ABCA9: variants seen among roughly 807,000 people sequenced by gnomAD.
ABCA9 encodes the protein ATP-binding cassette sub-family A member 9.
ABCA9 carries 183 observed loss-of-function variants against 205.3 expected under a neutral mutation model. The ratio of observed to expected loss-of-function variants is 0.89; its 90% CI spans 0.79 to 1.01. The LOEUF is 1.01. Ranked by LOEUF, ABCA9 falls within the 50% of genes least tolerant of loss-of-function variation. The pLI, the probability that ABCA9 is intolerant of heterozygous loss-of-function variation, is 0.00. For synonymous variants in ABCA9, 651 were observed against 683.3 expected (o/e 0.95, Z 0.74); for missense variants, 1,805 against 1,912.4 (o/e 0.94, Z 1.05).
At position 69,007,293 on chromosome 17, in the gene ABCA9, C is replaced by T. The variant is rs146688123; in HGVS notation, c.3435+466G>A. On this transcript the variant is annotated intron_variant, in intron 25 of 38. Coordinates refer to ENST00000340001, the MANE Select transcript of ABCA9 (RefSeq NM_080283.4). ...GCGCACACCTGTAATCCTAGCTACT[C>T]AGGAGGCTGAGGCAGGAGAATTGCT... is the stretch of plus-strand genomic sequence containing the variant. Among the ~76,000 whole-genome samples the T allele has an allele frequency of 8.2e-3, 1,243 of 152,168 alleles. 7 individuals carry two copies. Among genetic ancestry groups the T allele is most frequent in the Admixed American group, 0.014 (217 of 15,280 alleles).
At chr17:69,036,393 C>T (rs559588878) in intron 6 of ABCA9, among the ~76,000 whole-genome samples, 1 of 152,048 alleles carries the variant, frequency 6.6e-6, no homozygotes, top group East Asian at 1.9e-4. Context: ...ATTTTTTTCC[C>T]AAGCATTTAT....
intron 26 of ABCA9, 101 bp downstream of exon 26, chr17:68,995,794 C>T (rs1025349201): frequency 1.4e-6 from 2 of 1,435,878 alleles, no homozygotes; most frequent in East Asian, 2.3e-5. Context: ...GACTTTTAAA[C>T]TTTGCACAGC....
At chr17:69,034,381 C>T (rs1429836265) in intron 8 of ABCA9, among the ~76,000 whole-genome samples, 1 of 152,084 alleles carries the variant, frequency 6.6e-6, no homozygotes, top group African/African-American at 2.4e-5. Context: ...TCCACCATGA[C>T]TGGCTAATTT....
the ABCA9 span, among the ~76,000 whole-genome samples, chr17:69,071,424 C>G: frequency 6.6e-6 from 1 of 152,180 alleles, no homozygotes; most frequent in Middle Eastern, 3.2e-3. Flanking sequence ...TGTTCTGCAG[C>G]CTCCGCCAGT....
At chr17:69,032,784 T>C (rs2071197035) in intron 9 of ABCA9, 1 of 152,336 alleles carries the variant, frequency 6.6e-6, no homozygotes, top group African/African-American at 2.4e-5. Flanking sequence ...ATAACACTAA[T>C]GATACATTCC....
chr17:69,038,454 C>G (rs1203384103), intron 6 of ABCA9, among the ~76,000 whole-genome samples: 1 of 152,094 alleles, frequency 6.6e-6, no homozygotes, highest in Non-Finnish European at 1.5e-5. Flanking sequence ...TAAACAGAAC[C>G]AGTCACAAAA....
At chr17:69,028,970 C>T (rs370754452) in intron 11 of ABCA9, among the ~76,000 whole-genome samples, 199 bp downstream of exon 11, 4 of 150,996 alleles carry the variant, frequency 2.6e-5, no homozygotes, top group East Asian at 3.9e-4. Context: ...CAAACCCACA[C>T]GATTTTTAAT....
the ABCA9 span, among the ~76,000 whole-genome samples, chr17:69,071,479 C>T: frequency 6.6e-6 from 1 of 152,174 alleles, no homozygotes; most frequent in East Asian, 1.9e-4. Flanking sequence ...CAGCAAACTC[C>T]AGTAGACCTG....
intron 37 of ABCA9, among the ~76,000 whole-genome samples, chr17:68,980,377 T>C (rs1259414150): frequency 6.6e-6 from 1 of 152,036 alleles, no homozygotes; most frequent in African/African-American, 2.4e-5. Context: ...GTCAGTGTGG[T>C]GATTCCTCAG....
intron 22 of ABCA9, 140 bp downstream of exon 22, chr17:69,016,113 T>C (rs1424410528): frequency 1.1e-5 from 3 of 276,018 alleles, no homozygotes; most frequent in Non-Finnish European, 1.9e-5. Flanking sequence ...TATATATATA[T>C]ATATATATAT....
Position 69,049,451 on chromosome 17 carries a change from G to T in ABCA9, c.136C>A (p.Leu46Ile). 6.2e-7 allele frequency: 1 copy of T among 1,612,796 alleles called. No homozygotes were observed. Among genetic ancestry groups the T allele is most frequent in the Middle Eastern group, 1.7e-4 (1 of 5,990 alleles). The change falls in exon 3 of 39, where the codon CTA (leucine) becomes ATA (isoleucine). Residue 46 changes from leucine to isoleucine, a missense_variant. Transcript: ENST00000340001. ...ACTTGATGTAAATTGGAGAAAAATAGGTACAGAAACAGTACCAGAAGAAAT... is the reference window on the plus strand; with the variant it reads ...ACTTGATGTAAATTGGAGAAAAATATGTACAGAAACAGTACCAGAAGAAAT... ...FSFLLVLFLY[L>I]FFSNLHQVHD... is the part of the protein sequence containing the mutation.
At chr17:68,993,189 T>C in intron 26 of ABCA9, 105 bp from the exon 27 acceptor site, 2 of 857,602 alleles carry the variant, frequency 2.3e-6, no homozygotes, top group Non-Finnish European at 3.8e-6. Context: ...CTTACAACCA[T>C]TCGACCTGAT....
At chr17:69,038,395 A>G (rs1158514192) in intron 6 of ABCA9, among the ~76,000 whole-genome samples, 1 of 152,202 alleles carries the variant, frequency 6.6e-6, no homozygotes, top group East Asian at 1.9e-4. Context: ...CATCCCCGGG[A>G]TGCAAGGCAG....
At chr17:69,019,016 G>C (rs1284294089) in intron 19 of ABCA9, among the ~76,000 whole-genome samples, 3 of 151,994 alleles carry the variant, frequency 2.0e-5, no homozygotes, top group African/African-American at 7.2e-5. Flanking sequence ...GGCACCAAGA[G>C]CTCAATCATT....
rs144076840 is a variant in ABCA9, at chr17:69,047,828, C to T, written c.304+1455G>A. ...AAATTTCACGCCACTGGCTAGCCAC[C>T]CCACTTCAGTTGCATGAATAAAAGT... On this transcript the variant is annotated intron_variant, in intron 3 of 38. Coordinates refer to ENST00000340001, the MANE Select transcript of ABCA9 (RefSeq NM_080283.4). 9.7e-3 allele frequency among the ~76,000 whole-genome samples: 1,482 copies of T among 152,292 alleles called. 9 individuals carry two copies. Among genetic ancestry groups the T allele is most frequent in the Non-Finnish European group, 0.017 (1,170 of 68,028 alleles).
intron 34 of ABCA9, 152 bp downstream of exon 34, chr17:68,984,733 T>C: frequency 9.8e-7 from 1 of 1,021,286 alleles, no homozygotes; most frequent in South Asian, 1.7e-5. Context: ...CAATAAAAGC[T>C]GGTTGTGATT....
At chr17:69,035,836 G>T (rs773999286) in intron 6 of ABCA9, 35 bp from the exon 7 acceptor site, 3 of 1,588,256 alleles carry the variant, frequency 1.9e-6, no homozygotes, top group Middle Eastern at 1.7e-4. Context: ...TTAGAATGTT[G>T]TTACTTCATC....
At chr17:69,072,256 A>G in the ABCA9 span, among the ~76,000 whole-genome samples, 1 of 152,202 alleles carries the variant, frequency 6.6e-6, no homozygotes, top group African/African-American at 2.4e-5. Flanking sequence ...CACCACAAAG[A>G]TACTCTTCGA....
At chr17:68,992,333 G>A (rs1373970039) in intron 27 of ABCA9, 67 bp from the exon 28 acceptor site, 17 of 1,006,182 alleles carry the variant, frequency 1.7e-5, no homozygotes, top group Non-Finnish European at 2.4e-5. Flanking sequence ...TATTGGAATT[G>A]ATTTAAAGAG....
Sources: gnomAD v4.1 joint callset for allele counts (sites outside exome capture counted in the v4.1 genomes callset) on GRCh38, gnomAD v4.1.1 for gene constraint, MANE v1.5 for transcripts, NCBI Gene and HGNC (gene_info 2026-07-23, HGNC 2026-07-21) for gene names.